Variants in FCHSD2 observed in about 807,000 individuals in gnomAD.
FCHSD2 encodes the protein F-BAR and double SH3 domains protein 2.
Under a neutral mutation model 108.1 loss-of-function variants are expected in FCHSD2, and 38 were observed. That is an observed-to-expected ratio of 0.35 (90% CI 0.27 to 0.46). The LOEUF (loss-of-function observed/expected upper bound fraction) is 0.46, where lower values mean the gene tolerates loss of function less well. FCHSD2 is among the 20% of genes least tolerant of loss of function. The pLI, the probability that FCHSD2 is intolerant of heterozygous loss-of-function variation, is 1.00. For synonymous variants in FCHSD2, 279 were observed against 314.7 expected (o/e 0.89, Z 1.20); for missense variants, 751 against 897.8 (o/e 0.84, Z 2.09).
At chr11:72,997,265 G>C (rs1041421174) in intron 5 of FCHSD2, among the ~76,000 whole-genome samples, 2 of 152,058 alleles carry the variant, frequency 1.3e-5, no homozygotes. Context: ...GAAGGGTCTT[G>C]GTAAGCACCC....
At chr11:72,844,255 C>A (rs12805658) in intron 14 of FCHSD2, among the ~76,000 whole-genome samples, 30,274 of 152,030 alleles carry the variant, frequency 0.2, 3,227 homozygotes, top group Middle Eastern at 0.32. Context: ...GACAAGCATG[C>A]AGTGAAAATG....
intron 4 of FCHSD2, among the ~76,000 whole-genome samples, chr11:73,005,902 CTT>C (rs56872243): frequency 0.014 from 1,766 of 125,576 alleles, 41 homozygotes; most frequent in African/African-American, 0.046. Context: ...TATTCCTAAA[CTT>C]TTTTTTTTTT....
intron 8 of FCHSD2, among the ~76,000 whole-genome samples, chr11:72,965,538 A>AT (rs1004751644): frequency 1.3e-5 from 2 of 152,116 alleles, no homozygotes; most frequent in Non-Finnish European, 2.9e-5. Flanking sequence ...CCATTATAGT[A>AT]TTTTTTTAAA....
intron 3 of FCHSD2, among the ~76,000 whole-genome samples, chr11:73,057,114 T>C (rs1859044647): frequency 6.6e-6 from 1 of 151,806 alleles, no homozygotes; most frequent in Non-Finnish European, 1.5e-5. Context: ...AATAAATAAA[T>C]AAAATCCATA....
chr11:72,967,219 TAAG>T (rs1203891993), intron 8 of FCHSD2, among the ~76,000 whole-genome samples: 1 of 149,216 alleles, frequency 6.7e-6, no homozygotes. Flanking sequence ...AAAAAAAAGT[TAAG>T]AAAGTAAATG....
intron 3 of FCHSD2, among the ~76,000 whole-genome samples, chr11:73,032,345 C>T (rs776637269): frequency 1.3e-5 from 2 of 152,090 alleles, no homozygotes; most frequent in Non-Finnish European, 2.9e-5. Context: ...CTTCCCACCT[C>T]GGCTTCCCAA....
At chr11:73,084,879 T>C (rs78632327) in intron 2 of FCHSD2, among the ~76,000 whole-genome samples, 3,296 of 151,764 alleles carry the variant, frequency 0.022, 75 homozygotes, top group African/African-American at 0.059. Context: ...GTTTAAAGAC[T>C]TTACCGTTAT....
intron 3 of FCHSD2, among the ~76,000 whole-genome samples, chr11:73,067,949 T>C (rs981423470): frequency 6.6e-6 from 1 of 152,140 alleles, no homozygotes; most frequent in African/African-American, 2.4e-5. Context: ...CTCACAATCA[T>C]GGCAGAAGGC....
chr11:72,955,779 T>G (rs551176790), intron 8 of FCHSD2, among the ~76,000 whole-genome samples: 2 of 152,260 alleles, frequency 1.3e-5, no homozygotes, highest in African/African-American at 4.8e-5. Context: ...GAACAAAAGA[T>G]TCTCTTAGTG....
At chr11:73,039,321 C>T (rs2135461045) in intron 3 of FCHSD2, among the ~76,000 whole-genome samples, 1 of 152,054 alleles carries the variant, frequency 6.6e-6, no homozygotes, top group East Asian at 1.9e-4. Context: ...AGTTGGAGAC[C>T]AGCCTAGACA....
intron 5 of FCHSD2, among the ~76,000 whole-genome samples, chr11:72,996,813 G>GACC (rs1197122346): frequency 4.6e-5 from 7 of 152,168 alleles, no homozygotes; most frequent in African/African-American, 1.7e-4. Flanking sequence ...CAGCATTAAA[G>GACC]ACCACCACCA....
rs78246085 is a variant in FCHSD2 at position 73,034,501 on chromosome 11, G to A, written c.166-18616C>T. Among the ~76,000 whole-genome samples the A allele has an allele frequency of 9.2e-5, 14 of 152,290 alleles. No homozygotes were observed. In the East Asian group the frequency reaches 2.7e-3, roughly 29 times the overall value. On this transcript the variant is annotated intron_variant, in intron 3 of 19. Coordinates refer to ENST00000409418, the MANE Select transcript of FCHSD2 (RefSeq NM_014824.3). ...CTAATGTTAAAATTCGGTACCAGAG[G>A]CTGAGCCTGTACCAAGGAAATAGAG...
chr11:72,880,175 C>T (rs751866998), intron 12 of FCHSD2, among the ~76,000 whole-genome samples: 3 of 151,762 alleles, frequency 2.0e-5, no homozygotes, highest in Non-Finnish European at 4.4e-5. Flanking sequence ...AGGAAAACTA[C>T]AAAACACTGA....
At chr11:72,857,975 A>T (rs1471266209) in intron 13 of FCHSD2, among the ~76,000 whole-genome samples, 1 of 152,132 alleles carries the variant, frequency 6.6e-6, no homozygotes, top group Non-Finnish European at 1.5e-5. Context: ...AATTTCAATG[A>T]CCTCGTCTCT....
intron 3 of FCHSD2, among the ~76,000 whole-genome samples, chr11:73,078,956 T>C (rs1184069894): frequency 6.6e-6 from 1 of 152,124 alleles, no homozygotes; most frequent in Non-Finnish European, 1.5e-5. Context: ...TGATCTAAAG[T>C]GATCAATATG....
chr11:73,127,863 G>A (rs1410391788), intron 2 of FCHSD2, among the ~76,000 whole-genome samples: 1 of 151,614 alleles, frequency 6.6e-6, no homozygotes, highest in Non-Finnish European at 1.5e-5. Context: ...GGGCGGGGGT[G>A]GGAATCACCT....
chr11:73,136,165 GAAAA>G (rs1185429559), intron 2 of FCHSD2, among the ~76,000 whole-genome samples: 1 of 81,654 alleles, frequency 1.2e-5, no homozygotes, highest in African/African-American at 4.8e-5. Context: ...TGTCTCTTAA[GAAAA>G]AAAAAAAAAG....
chr11:72,848,554 A>T (rs1861206258), intron 14 of FCHSD2, among the ~76,000 whole-genome samples: 1 of 152,180 alleles, frequency 6.6e-6, no homozygotes, highest in African/African-American at 2.4e-5. Flanking sequence ...CCCTTCATAG[A>T]TTGTCCATTC....
At chr11:73,020,939 A>G (rs941187667) in intron 3 of FCHSD2, among the ~76,000 whole-genome samples, 2 of 152,164 alleles carry the variant, frequency 1.3e-5, no homozygotes, top group African/African-American at 4.8e-5. Flanking sequence ...CAGTGGCATG[A>G]TCATAGCTCA....
Sources: allele counts gnomAD v4.1 joint callset (sites outside exome capture counted in the v4.1 genomes callset), GRCh38; gene constraint gnomAD v4.1.1; transcripts MANE v1.5; gene names NCBI Gene and HGNC (gene_info 2026-07-23, HGNC 2026-07-21).